The following SCHIP1 variants were observed in gnomAD, a reference collection of about 807,000 sequenced individuals.
The protein encoded by SCHIP1 is schwannomin-interacting protein 1.
In SCHIP1, 8 loss-of-function variants were observed where a neutral mutation model predicts 29.7. The ratio of observed to expected loss-of-function variants is 0.27; its 90% CI spans 0.16 to 0.49. The LOEUF is 0.49. Ranked by LOEUF, SCHIP1 falls within the 20% of genes least tolerant of loss-of-function variation. SCHIP1 has a pLI of 0.99. For missense variants in SCHIP1, 193 were observed against 294.6 expected (o/e 0.66, Z 2.52); for synonymous variants, 76 against 94.9 (o/e 0.80, Z 1.16).
chr3:159,315,881 C>A, the SCHIP1 span, among the ~76,000 whole-genome samples: 1 of 144,732 alleles, frequency 6.9e-6, no homozygotes, highest in Admixed American at 7.5e-5. Context: ...TAAAAAGGCA[C>A]AGTGAAAAGA....
the SCHIP1 span, among the ~76,000 whole-genome samples, chr3:159,278,272 G>A: frequency 6.6e-6 from 1 of 152,120 alleles, no homozygotes; most frequent in African/African-American, 2.4e-5. Flanking sequence ...AGGAGTAAGG[G>A]GAAAACTGGG....
the SCHIP1 span, among the ~76,000 whole-genome samples, chr3:159,357,664 G>C: frequency 6.6e-6 from 1 of 152,088 alleles, no homozygotes; most frequent in African/African-American, 2.4e-5. Flanking sequence ...TTACTTCATT[G>C]GAGCTTTTTT....
chr3:159,765,536 A>G, the SCHIP1 span: 2 of 188,574 alleles, frequency 1.1e-5, no homozygotes, highest in African/African-American at 2.4e-5. Context: ...GGCTTTGTCA[A>G]TCGTGGTGGC....
chr3:159,316,226 A>G, the SCHIP1 span, among the ~76,000 whole-genome samples: 1 of 152,138 alleles, frequency 6.6e-6, no homozygotes, highest in African/African-American at 2.4e-5. Context: ...ATTAAGTATT[A>G]ACTTACACGG....
chr3:159,559,513 AGTAT>A, the SCHIP1 span, among the ~76,000 whole-genome samples: 2 of 152,212 alleles, frequency 1.3e-5, no homozygotes, highest in African/African-American at 2.4e-5. Flanking sequence ...GAAATACTTT[AGTAT>A]GTATATTAGC....
intron 2 of SCHIP1, among the ~76,000 whole-genome samples, chr3:159,866,897 T>G (rs558611020): frequency 1.3e-5 from 2 of 152,296 alleles, no homozygotes; most frequent in South Asian, 2.1e-4. Flanking sequence ...CAAAAAACAG[T>G]GCTATAGGCC....
At chr3:159,337,844 T>A in the SCHIP1 span, among the ~76,000 whole-genome samples, 1 of 152,214 alleles carries the variant, frequency 6.6e-6, no homozygotes, top group Non-Finnish European at 1.5e-5. Context: ...AATCATTATC[T>A]TCTTCGTCTG....
chr3:159,768,946 G>A, the SCHIP1 span, among the ~76,000 whole-genome samples: 1 of 152,238 alleles, frequency 6.6e-6, no homozygotes, highest in Non-Finnish European at 1.5e-5. Context: ...TCTGGTGTCA[G>A]TGTGCTTCTC....
At chr3:159,429,738 T>C in the SCHIP1 span, among the ~76,000 whole-genome samples, 1 of 152,242 alleles carries the variant, frequency 6.6e-6, no homozygotes, top group African/African-American at 2.4e-5. Context: ...GGTCCAACAG[T>C]GTAAAATAAA....
chr3:159,688,611 A>G, the SCHIP1 span, among the ~76,000 whole-genome samples: 1 of 151,918 alleles, frequency 6.6e-6, no homozygotes, highest in Admixed American at 6.6e-5. Context: ...ATTAGATCCC[A>G]TTTGTCAGTT....
chr3:159,869,154 G>A (rs545494816), intron 2 of SCHIP1, among the ~76,000 whole-genome samples: 25 of 151,996 alleles, frequency 1.6e-4, no homozygotes, highest in African/African-American at 5.8e-4. Flanking sequence ...TTAATACACT[G>A]TATGTATTGC....
At chr3:159,499,690 A>C in the SCHIP1 span, among the ~76,000 whole-genome samples, 1 of 152,348 alleles carries the variant, frequency 6.6e-6, no homozygotes, top group South Asian at 2.1e-4. Context: ...AGTATTCAAA[A>C]CATCTAGTGC....
chr3:159,371,405 A>C, the SCHIP1 span, among the ~76,000 whole-genome samples: 2 of 152,186 alleles, frequency 1.3e-5, no homozygotes, highest in African/African-American at 4.8e-5. Flanking sequence ...TACAGAAGGG[A>C]CTGAGGAAGA....
chr3:159,514,996 T>TTA, the SCHIP1 span, among the ~76,000 whole-genome samples: 2 of 152,156 alleles, frequency 1.3e-5, no homozygotes, highest in African/African-American at 2.4e-5. Context: ...CCACGTATCC[T>TTA]TATATCCAGT....
chr3:159,663,372 A>C, the SCHIP1 span, among the ~76,000 whole-genome samples: 2 of 152,112 alleles, frequency 1.3e-5, no homozygotes, highest in African/African-American at 4.8e-5. Context: ...CTCCCACAAG[A>C]AGCAGAAGAC....
chr3:159,684,049 A>G, the SCHIP1 span, among the ~76,000 whole-genome samples: 5 of 152,168 alleles, frequency 3.3e-5, no homozygotes, highest in Admixed American at 3.3e-4. Context: ...TAGAGATAAC[A>G]AAGGGCCCTG....
intron 1 of SCHIP1, among the ~76,000 whole-genome samples, chr3:159,843,822 C>CA (rs1161141544): frequency 0.032 from 1,233 of 38,070 alleles, 66 homozygotes; most frequent in African/African-American, 0.064. Context: ...GACTCTGTCT[C>CA]AAAAAAAAAA....
the SCHIP1 span, among the ~76,000 whole-genome samples, chr3:159,615,368 G>T: frequency 2.0e-5 from 3 of 152,354 alleles, no homozygotes; most frequent in South Asian, 6.2e-4. Context: ...TATCAGATTT[G>T]TGTTTATGAA....
chr3:159,763,368 T>C, the SCHIP1 span, among the ~76,000 whole-genome samples: 1 of 151,908 alleles, frequency 6.6e-6, no homozygotes, highest in South Asian at 2.1e-4. Context: ...GGCTCGTGCT[T>C]TGGGATGCCG....
Sources: gnomAD v4.1 joint callset for allele counts (sites outside exome capture counted in the v4.1 genomes callset) on GRCh38, gnomAD v4.1.1 for gene constraint, MANE v1.5 for transcripts, NCBI Gene and HGNC (gene_info 2026-07-23, HGNC 2026-07-21) for gene names.